The following SS18 variants were observed in gnomAD, a reference collection of about 807,000 sequenced individuals.
The protein encoded by SS18 is protein SSXT.
A neutral mutation model predicts 72.5 loss-of-function variants in SS18; 28 were observed. That is an observed-to-expected ratio of 0.39 (90% confidence interval 0.29 to 0.53). The LOEUF (loss-of-function observed/expected upper bound fraction) is 0.53. Ranked by LOEUF, SS18 falls within the 20% of genes least tolerant of loss-of-function variation. The probability of loss-of-function intolerance (pLI) is 0.76; values close to 1 mark genes in which losing one functional copy is unlikely to be tolerated. For missense variants in SS18, 518 were observed against 535.3 expected, an observed-to-expected ratio of 0.97 and a Z score of 0.32; for synonymous variants, 172 against 164.2, an observed-to-expected ratio of 1.05 and a Z score of -0.37.
chr18:26,067,478 A>G (rs1040069408), intron 3 of SS18, among the ~76,000 whole-genome samples: 1 of 152,204 alleles, frequency 6.6e-6, no homozygotes, highest in Non-Finnish European at 1.5e-5. Context: ...TATTGTTTTG[A>G]GAGGCCTGTG....
Position 26,017,701 on chromosome 18 carries a change from G to A in SS18, c.*653C>T, listed in dbSNP as rs1326179493. On this transcript the variant is annotated 3_prime_UTR_variant, in exon 11 of 11. Transcript: ENST00000415083. ...TCTTTTTACTCAAAACTGTATCACA[G>A]TGCCCTTGATTATCTAATAGATAAA... is the stretch of plus-strand genomic sequence containing the variant. 1 of 214,730 alleles carries A rather than the reference G, an allele frequency of 4.7e-6. No homozygotes were observed. The highest frequency in any genetic ancestry group is 2.3e-5 in the African/African-American group (1 of 44,378). The allele number at this position is 214,730 out of a possible 1,614,324, so 13.3% of individuals were successfully genotyped here. A position where few individuals can be genotyped will look rare whatever the true frequency, so the allele number is the denominator to read the frequency against.
intron 4 of SS18, 31 bp from the exon 5 acceptor site, chr18:26,052,876 T>C (rs765402664): frequency 2.5e-6 from 4 of 1,592,072 alleles, no homozygotes; most frequent in Admixed American, 3.3e-5. Context: ...AAGCAAAATA[T>C]GAAAGTTAAA....
chr18:26,041,759 C>T (rs149110287), intron 5 of SS18, among the ~76,000 whole-genome samples: 276 of 151,150 alleles, frequency 1.8e-3, no homozygotes, highest in Middle Eastern at 6.8e-3. Context: ...AAAAAAAAAT[C>T]CAAAAAGATA....
chr18:26,083,310 G>A (rs1399304203), intron 2 of SS18, among the ~76,000 whole-genome samples: 1 of 152,074 alleles, frequency 6.6e-6, no homozygotes, highest in Admixed American at 6.6e-5. Context: ...GTTGGTTCTA[G>A]ACCTAAACAT....
intron 5 of SS18, among the ~76,000 whole-genome samples, chr18:26,041,145 AG>A (rs2053716346): frequency 6.6e-6 from 1 of 152,326 alleles, no homozygotes; most frequent in Non-Finnish European, 1.5e-5. Context: ...TTCGTAAGCC[AG>A]GAGTGGTGGC....
rs1353282436 is a variant in SS18 at position 26,032,383 on chromosome 18, C to A, written c.1230+16G>T. ...AGAAACAATGTGGCAATTCTGCAGC[C>A]GGTCAAACTACTTACCTGGTCATAT... On this transcript the variant is annotated intron_variant, in intron 10 of 10. Coordinates refer to ENST00000415083, the MANE Select transcript of SS18 (RefSeq NM_001007559.3). 1 of 1,607,416 alleles carries A rather than the reference C, an allele frequency of 6.2e-7. No homozygotes were observed. Among genetic ancestry groups the A allele is most frequent in the Non-Finnish European group, 8.5e-7 (1 of 1,177,758 alleles).
chr18:26,056,462 G>C (rs2054023398), intron 4 of SS18, among the ~76,000 whole-genome samples: 1 of 152,184 alleles, frequency 6.6e-6, no homozygotes, highest in Admixed American at 6.5e-5. Flanking sequence ...TACTGGATGT[G>C]TGCCATATAT....
chr18:26,064,375 T>C (rs529191004), intron 3 of SS18, among the ~76,000 whole-genome samples: 2 of 152,114 alleles, frequency 1.3e-5, no homozygotes, highest in East Asian at 1.9e-4. Context: ...GACACAAAAA[T>C]GTTAAACAAA....
At chr18:26,054,897 C>T (rs1451795621) in intron 4 of SS18, among the ~76,000 whole-genome samples, 1 of 151,960 alleles carries the variant, frequency 6.6e-6, no homozygotes, top group Non-Finnish European at 1.5e-5. Context: ...TGTGCCACCA[C>T]GCCAGCTAAT....
intron 3 of SS18, among the ~76,000 whole-genome samples, chr18:26,059,377 G>A (rs1368667895): frequency 1.3e-5 from 2 of 152,182 alleles, no homozygotes; most frequent in African/African-American, 2.4e-5. Context: ...GGAAAAAAAA[G>A]AGTCAGAATT....
At chr18:26,084,167 T>C (rs1210646379) in intron 2 of SS18, 1 of 152,038 alleles carries the variant, frequency 6.6e-6, no homozygotes, top group African/African-American at 2.4e-5. Context: ...GGGCTCCCAC[T>C]GGCCAGATCT....
At chr18:26,046,191 C>CAAAAAAAAAAAAAA (rs760639087) in intron 5 of SS18, among the ~76,000 whole-genome samples, 1 of 45,064 alleles carries the variant, frequency 2.2e-5, no homozygotes, top group African/African-American at 5.5e-5. Flanking sequence ...GACTCCGTCT[C>CAAAAAAAAAAAAAA]AAAAAAAAAA....
At chr18:26,023,828 G>A (rs535658143) in intron 10 of SS18, among the ~76,000 whole-genome samples, 1 of 143,426 alleles carries the variant, frequency 7.0e-6, no homozygotes, top group African/African-American at 3.0e-5. Flanking sequence ...AACTACATGG[G>A]TCAATTTAAA....
chr18:26,024,333 T>C (rs1439249499), intron 10 of SS18, among the ~76,000 whole-genome samples: 1 of 135,848 alleles, frequency 7.4e-6, no homozygotes, highest in African/African-American at 3.7e-5. Flanking sequence ...ATGGCTGCAC[T>C]TTTTTGGGGG....
At chr18:26,062,905 C>G (rs2054148623) in intron 3 of SS18, among the ~76,000 whole-genome samples, 1 of 151,916 alleles carries the variant, frequency 6.6e-6, no homozygotes, top group Non-Finnish European at 1.5e-5. Context: ...AAAGGAAAAA[C>G]AGAATAATCC....
intron 3 of SS18, among the ~76,000 whole-genome samples, chr18:26,077,375 A>T (rs1480709401): frequency 1.3e-5 from 2 of 152,140 alleles, no homozygotes; most frequent in African/African-American, 4.8e-5. Flanking sequence ...GGAACACGTT[A>T]AAGGACCATG....
At chr18:26,027,834 ACT>A (rs1339046680) in intron 10 of SS18, among the ~76,000 whole-genome samples, 1 of 151,972 alleles carries the variant, frequency 6.6e-6, no homozygotes, top group Admixed American at 6.6e-5. Flanking sequence ...TTAAATGTAA[ACT>A]CTAAAATTAT....
intron 4 of SS18, among the ~76,000 whole-genome samples, chr18:26,055,696 A>C (rs1160419345): frequency 1.3e-5 from 2 of 151,814 alleles, no homozygotes; most frequent in Admixed American, 6.6e-5. Flanking sequence ...TGGCCTTCCA[A>C]TTTCTCCTAC....
chr18:26,076,388 C>A (rs28430717), intron 3 of SS18, among the ~76,000 whole-genome samples: 9,710 of 151,600 alleles, frequency 0.064, 868 homozygotes, highest in African/African-American at 0.2. Context: ...ACACCTGATA[C>A]AACATAGATT....
Sources: allele counts gnomAD v4.1 joint callset (sites outside exome capture counted in the v4.1 genomes callset), GRCh38; gene constraint gnomAD v4.1.1; transcripts MANE v1.5; gene names NCBI Gene and HGNC (gene_info 2026-07-23, HGNC 2026-07-21).